LAMC1: variants seen among roughly 807,000 people sequenced by gnomAD.
LAMC1 encodes laminin subunit gamma-1.
A neutral mutation model predicts 173.6 loss-of-function variants in LAMC1; 38 were observed. The ratio of observed to expected loss-of-function variants is 0.22; its 90% confidence interval spans 0.17 to 0.29. LAMC1 has a LOEUF of 0.29. LAMC1 is among the 10% of genes least tolerant of loss of function. LAMC1 has a pLI of 1.00. For missense variants in LAMC1, 1,824 were observed against 2,051.8 expected (o/e 0.89, Z 2.14); for synonymous variants, 746 against 749.1 (o/e 1.00, Z 0.07).
rs766709504 is a variant in LAMC1, at chr1:183,118,076, C to T, written c.1920C>T (p.Thr640=). Residue 640 remains threonine (T), a synonymous_variant, in exon 11 of 28, where the codon ACC becomes ACT. Transcript: ENST00000258341. ...ATDYPWRPAL[T]PFEFQKLLNN... Reference sequence around the variant, plus strand: ...ATTACCCTTGGAGGCCTGCTCTTACCCCTTTTGAATTTCAGAAGCTCCTAA... The same window carrying T: ...ATTACCCTTGGAGGCCTGCTCTTACTCCTTTTGAATTTCAGAAGCTCCTAA... 2 of 1,613,710 alleles carry T rather than the reference C, an allele frequency of 1.2e-6. No individual in the cohort carries two copies. The highest frequency in any genetic ancestry group is 1.7e-6 in the Non-Finnish European group (2 of 1,179,698).
rs749108510 is a variant in LAMC1, at chr1:183,115,478, C to T, written c.1211-42C>T. The T allele has an allele frequency of 3.7e-6, 5 of 1,337,340 alleles. No homozygotes were observed. In the South Asian group the frequency reaches 5.9e-5, roughly 16 times the overall value. The allele number at this position is 1,337,340 out of a possible 1,614,324, so 82.8% of individuals were successfully genotyped here. A position where few individuals can be genotyped will look rare whatever the true frequency, so the allele number is the denominator to read the frequency against. ...TAACACATTGATTTTACTTACGTATCTGGCCGAATTTTTGTTTGACAATAG... is the reference window on the plus strand; with the variant it reads ...TAACACATTGATTTTACTTACGTATTTGGCCGAATTTTTGTTTGACAATAG... On this transcript the variant is annotated intron_variant, in intron 5 of 27. Coordinates refer to ENST00000258341, the MANE Select transcript of LAMC1 (RefSeq NM_002293.4).
intron 26 of LAMC1, chr1:183,138,152 A>C (rs1381975368): frequency 2.5e-6 from 2 of 788,688 alleles, no homozygotes; most frequent in Non-Finnish European, 3.1e-6. Context: ...AAAGGAATGC[A>C]ATGAAGTTAA....
chr1:183,080,991 C>T (rs1320813653), intron 1 of LAMC1, among the ~76,000 whole-genome samples: 2 of 152,088 alleles, frequency 1.3e-5, no homozygotes, highest in African/African-American at 2.4e-5. Flanking sequence ...TGGTTTCAAA[C>T]GGTTCTTCTG....
Position 183,121,074 on chromosome 1 carries a change from T to G in LAMC1, c.1991-649T>G, listed in dbSNP as rs1656457012. Among the ~76,000 whole-genome samples, 3 of 152,246 alleles carry G rather than the reference T, an allele frequency of 2.0e-5. No individual in the cohort carries two copies. In the South Asian group the frequency reaches 6.2e-4, roughly 32 times the overall value. On this transcript the variant is annotated intron_variant, in intron 11 of 27. Coordinates refer to ENST00000258341, the MANE Select transcript of LAMC1 (RefSeq NM_002293.4). ...TGATGCTTTTCATTTTTCACATTGG[T>G]GGGGACTGTAAAATTCAGCAAATCT...
intron 1 of LAMC1, among the ~76,000 whole-genome samples, chr1:183,074,459 A>G (rs1484321481): frequency 2.0e-5 from 3 of 152,202 alleles, no homozygotes; most frequent in Non-Finnish European, 2.9e-5. Context: ...GTGGTTTACT[A>G]AGTGTTCTGC....
chr1:183,045,946 G>A (rs1428899981), intron 1 of LAMC1, among the ~76,000 whole-genome samples: 1 of 151,848 alleles, frequency 6.6e-6, no homozygotes, highest in African/African-American at 2.4e-5. Context: ...GTCTCATCAT[G>A]TTTTCTTTCC....
At chr1:183,101,244 C>T (rs1655826938) in intron 1 of LAMC1, among the ~76,000 whole-genome samples, 2 of 152,034 alleles carry the variant, frequency 1.3e-5, no homozygotes, top group African/African-American at 2.4e-5. Context: ...AGTAAAATTA[C>T]ATTGTTTAAC....
intron 1 of LAMC1, among the ~76,000 whole-genome samples, chr1:183,086,814 T>A (rs908238603): frequency 1.8e-4 from 27 of 152,222 alleles, no homozygotes; most frequent in Admixed American, 2.6e-4. Flanking sequence ...ATATTTCATG[T>A]CTCTGATGTC....
At position 183,140,494 on chromosome 1, in the gene LAMC1, G is replaced by A; in HGVS notation, c.4564G>A (p.Glu1522Lys). The change falls in exon 27 of 28, where the codon GAG (glutamate) becomes AAG (lysine). Residue 1522 changes from glutamate (E) to lysine (K), a missense_variant. Physicochemically the swap from Glu to Lys is moderately conservative, Grantham distance 56. Coordinates refer to ENST00000258341, the MANE Select transcript of LAMC1 (RefSeq NM_002293.4). ...SLLSIINDLL[E>K]QLGQLDTVDL... ...CCTCAGCATTATTAATGACCTCTTG[G>A]AGCAGCTGGGTACGTAGCCATAGAG... 6.2e-7 allele frequency: 1 copy of A among 1,611,150 alleles called. No individual in the cohort carries two copies. The highest frequency in any genetic ancestry group is 8.5e-7 in the Non-Finnish European group (1 of 1,177,764).
chr1:183,049,444 T>C (rs1040432431), intron 1 of LAMC1, among the ~76,000 whole-genome samples: 1 of 149,522 alleles, frequency 6.7e-6, no homozygotes, highest in Non-Finnish European at 1.5e-5. Context: ...TTCTCCAATT[T>C]TGAATTTAAG....
At chr1:183,044,604 A>G (rs566808842) in intron 1 of LAMC1, among the ~76,000 whole-genome samples, 2 of 152,116 alleles carry the variant, frequency 1.3e-5, no homozygotes, top group Non-Finnish European at 2.9e-5. Flanking sequence ...TGGCTTTGGA[A>G]GGGTGTTTGG....
At position 183,130,379 on chromosome 1, in the gene LAMC1, G is replaced by C; in HGVS notation, c.3316G>C (p.Val1106Leu). Residue 1106 changes from valine to leucine, a missense_variant, in exon 19 of 28, where the codon GTG becomes CTG. Val to Leu is a conservative substitution (Grantham distance 32). Transcript: ENST00000258341. Reference sequence around the variant, plus strand: ...GAATTTGATGGATCGCCTACAGAGAGTGAATAACACTCTGTCCAGCCAAAT... The same window carrying C: ...GAATTTGATGGATCGCCTACAGAGACTGAATAACACTCTGTCCAGCCAAAT... ...DQNLMDRLQR[V>L]NNTLSSQISR... 1 of 1,614,204 alleles carries C rather than the reference G, an allele frequency of 6.2e-7. No individual in the cohort carries two copies. The highest frequency in any genetic ancestry group is 1.1e-5 in the South Asian group (1 of 91,084).
chr1:183,072,322 G>C (rs773940939), intron 1 of LAMC1, among the ~76,000 whole-genome samples: 4 of 152,206 alleles, frequency 2.6e-5, no homozygotes, highest in African/African-American at 9.6e-5. Flanking sequence ...AGGGTCTGCA[G>C]ACAGCTCTTT....
chr1:183,126,240 G>T lies in LAMC1; in HGVS notation c.2922G>T (p.Gly974=), dbSNP rs149303362. 253 of 1,613,964 alleles carry T rather than the reference G, an allele frequency of 1.6e-4. No individual in the cohort carries two copies. The African/African-American group carries it at 2.9e-3, about 19-fold the overall frequency. Residue 974 remains glycine (G), a synonymous_variant, in exon 16 of 28, where the codon GGG becomes GGT. Transcript: ENST00000258341. ...AGCGCTGTGAGGTCAACCACTTTGG[G>T]TTTGGACCTGAAGGCTGCAAACGTA... ...HCERCEVNHF[G]FGPEGCKPCD...
At chr1:183,074,111 TA>T (rs1001822100) in intron 1 of LAMC1, among the ~76,000 whole-genome samples, 6 of 152,190 alleles carry the variant, frequency 3.9e-5, no homozygotes, top group African/African-American at 1.2e-4. Context: ...TTTTCTGTTC[TA>T]AAAAAATGAA....
chr1:183,142,418 C>A (rs528350007), intron 27 of LAMC1, 116 bp from the exon 28 acceptor site: 2 of 1,068,724 alleles, frequency 1.9e-6, no homozygotes, highest in Non-Finnish European at 2.7e-6. Flanking sequence ...TCACATTTGC[C>A]GGGCTGCCTG....
intron 1 of LAMC1, among the ~76,000 whole-genome samples, chr1:183,062,613 C>G (rs544001736): frequency 1.3e-5 from 2 of 152,108 alleles, no homozygotes; most frequent in South Asian, 2.1e-4. Context: ...CCACTACGCT[C>G]CAGCCTGGGT....
At position 183,122,261 on chromosome 1, in the gene LAMC1, C is replaced by T; in HGVS notation, c.2401+10C>T. On this transcript the variant is annotated intron_variant, in intron 13 of 27. Transcript: ENST00000258341. ...CCTACTGGCACCACTGGTAAGTCTG[C>T]TCGCTTCATCTGCTTTCAGTGTTCC... The T allele has an allele frequency of 6.2e-7, 1 of 1,612,398 alleles. No individual in the cohort carries two copies. The highest frequency in any genetic ancestry group is 1.3e-5 in the African/African-American group (1 of 74,972).
At chr1:183,131,752 A>G (rs957246872) in intron 20 of LAMC1, among the ~76,000 whole-genome samples, 2 of 152,202 alleles carry the variant, frequency 1.3e-5, no homozygotes, top group African/African-American at 4.8e-5. Context: ...TAACTAGGTA[A>G]ATGATTTCTT....
Sources: gnomAD v4.1 joint callset for allele counts (sites outside exome capture counted in the v4.1 genomes callset) on GRCh38, gnomAD v4.1.1 for gene constraint, MANE v1.5 for transcripts, NCBI Gene and HGNC (gene_info 2026-07-23, HGNC 2026-07-21) for gene names.